The following NAV3 variants were observed in gnomAD, a reference collection of about 807,000 sequenced individuals.
NAV3 encodes pore membrane and/or filament interacting like protein 1.
Under a neutral mutation model 244.7 loss-of-function variants are expected in NAV3, and 87 were observed. That is an observed-to-expected ratio of 0.36 (90% CI 0.30 to 0.42). The LOEUF is 0.42. NAV3 is among the 20% of genes least tolerant of loss of function. The probability of loss-of-function intolerance (pLI) is 1.00; values close to 1 mark genes in which losing one functional copy is unlikely to be tolerated. For synonymous variants in NAV3, 1,126 were observed against 1,042.2 expected, an observed-to-expected ratio of 1.08 and a Z score of -1.55; for missense variants, 2,663 against 2,893.3, an observed-to-expected ratio of 0.92 and a Z score of 1.83.
chr12:77,681,636 A>T (rs560246530), intron 2 of NAV3, among the ~76,000 whole-genome samples: 1 of 149,470 alleles, frequency 6.7e-6, no homozygotes, highest in African/African-American at 2.6e-5. Context: ...TTCTGGCACA[A>T]GGTGTTCTGT....
At chr12:77,995,894 A>G (rs529748400) in intron 6 of NAV3, among the ~76,000 whole-genome samples, 2 of 152,058 alleles carry the variant, frequency 1.3e-5, no homozygotes, top group African/African-American at 4.8e-5. Context: ...TAAGTACTGT[A>G]TTTTGATAGA....
In NAV3 at chr12:78,098,822, G is replaced by A. The variant is rs181449504; in HGVS notation, c.2637-17950G>A. Among the ~76,000 whole-genome samples the A allele has an allele frequency of 2.4e-3, 363 of 151,734 alleles. 5 individuals carry two copies. The highest frequency in any genetic ancestry group is 8.9e-4 in the Non-Finnish European group (60 of 67,768). On this transcript the variant is annotated intron_variant, in intron 12 of 39. Transcript: ENST00000397909. ...AATGTCTGGAAATAAAATTAGCTAA[G>A]TAAGTTATAGAAAAACTCAGTCTCA...
At chr12:77,989,111 A>G (rs893424156) in intron 5 of NAV3, among the ~76,000 whole-genome samples, 1 of 152,160 alleles carries the variant, frequency 6.6e-6, no homozygotes, top group African/African-American at 2.4e-5. Context: ...TCCTCCCTCT[A>G]TTACTAGTGA....
At chr12:78,010,152 T>A (rs1875013910) in intron 8 of NAV3, among the ~76,000 whole-genome samples, 1 of 152,198 alleles carries the variant, frequency 6.6e-6, no homozygotes, top group Admixed American at 6.5e-5. Flanking sequence ...AGAACAATTT[T>A]ACAAATAATA....
At chr12:77,761,130 C>T (rs1869440500) in intron 2 of NAV3, among the ~76,000 whole-genome samples, 1 of 152,174 alleles carries the variant, frequency 6.6e-6, no homozygotes. Flanking sequence ...GCTATCTCGG[C>T]TCACTGCAAC....
At chr12:78,094,478 C>T (rs1388851529) in intron 12 of NAV3, among the ~76,000 whole-genome samples, 1 of 152,000 alleles carries the variant, frequency 6.6e-6, no homozygotes, top group Non-Finnish European at 1.5e-5. Context: ...TTGTAAAATG[C>T]AAGAAATTAC....
In NAV3 at chr12:77,944,086, C is replaced by A. The variant is rs111628384; in HGVS notation, c.414+2953C>A. Among the ~76,000 whole-genome samples, 341 of 152,212 alleles carry A rather than the reference C, an allele frequency of 2.2e-3. 4 individuals carry two copies. Among genetic ancestry groups the A allele is most frequent in the African/African-American group, 7.3e-3 (304 of 41,550 alleles). Reference sequence around the variant, plus strand: ...TTTAGATAAATAACAGCAACAGTTACATAGGCGAGAACAAAAACGACTGAG... The same window carrying A: ...TTTAGATAAATAACAGCAACAGTTAAATAGGCGAGAACAAAAACGACTGAG... On this transcript the variant is annotated intron_variant, in intron 3 of 39. Transcript: ENST00000397909.
Position 78,007,462 on chromosome 12 carries a change from T to A in NAV3, c.1907+17T>A, listed in dbSNP as rs1441279452. Reference sequence around the variant, plus strand: ...CATTTACAGGTAAGGTGGCCTCTGTTTATCCACAGTTGTAAATATATTTAC... The same window carrying A: ...CATTTACAGGTAAGGTGGCCTCTGTATATCCACAGTTGTAAATATATTTAC... On this transcript the variant is annotated intron_variant, in intron 8 of 39. Transcript: ENST00000397909. 6 of 1,604,332 alleles carry A rather than the reference T, an allele frequency of 3.7e-6. No individual in the cohort carries two copies. The highest frequency in any genetic ancestry group is 5.1e-6 in the Non-Finnish European group (6 of 1,175,314).
intron 9 of NAV3, among the ~76,000 whole-genome samples, chr12:78,044,218 T>C (rs374164642): frequency 6.9e-4 from 105 of 152,228 alleles, no homozygotes; most frequent in African/African-American, 2.3e-3. Context: ...GTGTGTCAGG[T>C]TTGTCAAAGA....
chr12:77,878,834 A>G (rs1447991911), intron 1 of NAV3, among the ~76,000 whole-genome samples: 2 of 151,816 alleles, frequency 1.3e-5, no homozygotes, highest in African/African-American at 2.4e-5. Flanking sequence ...CTCTTGAAAT[A>G]GTCTTTGGCA....
intron 2 of NAV3, among the ~76,000 whole-genome samples, chr12:77,640,190 TG>T (rs990303044): frequency 5.3e-5 from 8 of 152,038 alleles, no homozygotes; most frequent in Non-Finnish European, 1.0e-4. Flanking sequence ...CAAAGTGTAC[TG>T]TAAAAAAGAA....
intron 2 of NAV3, among the ~76,000 whole-genome samples, chr12:77,680,858 T>G (rs1331225139): frequency 2.0e-5 from 3 of 152,140 alleles, no homozygotes; most frequent in Non-Finnish European, 4.4e-5. Flanking sequence ...GAGTCACATA[T>G]GGACACCAAG....
In NAV3 at chr12:78,119,376, T is replaced by C; in HGVS notation, c.3180T>C (p.Thr1060=). ...KKPPSGIGRS[T]ATSSFGFKKP... ...CCCCCTCAGGCATTGGAAGATCGAC[T>C]GCCACCAGCTCCTTTGGCTTTAAGA... The change falls in exon 15 of 40, where the codon ACT becomes ACC. Residue 1060 remains threonine, a synonymous_variant. Transcript: ENST00000397909. The C allele has an allele frequency of 6.2e-7, 1 of 1,614,176 alleles. No individual in the cohort carries two copies. Among genetic ancestry groups the C allele is most frequent in the South Asian group, 1.1e-5 (1 of 91,080 alleles).
chr12:77,724,779 T>A (rs796664645), intron 2 of NAV3, among the ~76,000 whole-genome samples: 6 of 152,088 alleles, frequency 3.9e-5, no homozygotes, highest in African/African-American at 1.4e-4. Context: ...TATGAAATAT[T>A]TGAGAACATA....
At chr12:78,005,240 T>C (rs1873997261) in intron 7 of NAV3, among the ~76,000 whole-genome samples, 1 of 152,094 alleles carries the variant, frequency 6.6e-6, no homozygotes, top group African/African-American at 2.4e-5. Flanking sequence ...TTTATTTTGG[T>C]TTTAGAGATT....
intron 2 of NAV3, among the ~76,000 whole-genome samples, chr12:77,682,373 G>C (rs1274677185): frequency 6.6e-6 from 1 of 152,020 alleles, no homozygotes. Flanking sequence ...ATTGTGTATA[G>C]GTATTACATT....
At chr12:77,698,854 C>T (rs542555015) in intron 2 of NAV3, among the ~76,000 whole-genome samples, 15 of 152,240 alleles carry the variant, frequency 9.9e-5, no homozygotes, top group African/African-American at 3.4e-4. Flanking sequence ...ACCTATCCAT[C>T]AACCCTATCA....
intron 1 of NAV3, among the ~76,000 whole-genome samples, chr12:77,833,847 A>AG (rs1333224312): frequency 1.3e-5 from 2 of 152,152 alleles, no homozygotes; most frequent in Non-Finnish European, 2.9e-5. Flanking sequence ...CCCAGCAGCC[A>AG]GACTCTCCTC....
chr12:77,810,364 G>A (rs1368021701), intron 2 of NAV3, among the ~76,000 whole-genome samples: 1 of 152,032 alleles, frequency 6.6e-6, no homozygotes, highest in East Asian at 1.9e-4. Context: ...GTAGACATGG[G>A]GTTTCACTGT....
Sources: gnomAD v4.1 joint callset for allele counts (sites outside exome capture counted in the v4.1 genomes callset) on GRCh38, gnomAD v4.1.1 for gene constraint, MANE v1.5 for transcripts, NCBI Gene and HGNC (gene_info 2026-07-23, HGNC 2026-07-21) for gene names.